Variants in FAM168A observed in about 807,000 individuals in gnomAD.
FAM168A encodes the protein family with sequence similarity 168 member A, also known as protein FAM168A.
In FAM168A, 3 loss-of-function variants were observed where a neutral mutation model predicts 28.5. The ratio of observed to expected loss-of-function variants is 0.11; its 90% CI spans 0.05 to 0.27. FAM168A has a LOEUF of 0.27. Among genes scored for constraint, FAM168A ranks in the 10% least tolerant of loss-of-function variants. The pLI is 1.00. For missense variants in FAM168A, 222 were observed against 311.5 expected (o/e 0.71, Z 2.16); for synonymous variants, 122 against 124.2 (o/e 0.98, Z 0.12).
chr11:73,440,662 TAGG>T (rs780452429), intron 2 of FAM168A, among the ~76,000 whole-genome samples: 15 of 151,658 alleles, frequency 9.9e-5, no homozygotes, highest in Non-Finnish European at 1.8e-4. Context: ...GAAAAAGAAA[TAGG>T]AGAATATCAG....
At chr11:73,566,489 A>C (rs79540456) in intron 1 of FAM168A, among the ~76,000 whole-genome samples, 1 of 152,170 alleles carries the variant, frequency 6.6e-6, no homozygotes, top group Non-Finnish European at 1.5e-5. Flanking sequence ...CAAAATCCAC[A>C]TGGAAAGACA....
chr11:73,455,917 G>C (rs903358212), intron 2 of FAM168A, among the ~76,000 whole-genome samples: 2 of 152,110 alleles, frequency 1.3e-5, no homozygotes, highest in African/African-American at 4.8e-5. Flanking sequence ...TCTGAATAAG[G>C]AAACAGCTAA....
intron 2 of FAM168A, among the ~76,000 whole-genome samples, chr11:73,467,390 A>G (rs1867751378): frequency 6.6e-6 from 1 of 151,784 alleles, no homozygotes; most frequent in Admixed American, 6.6e-5. Flanking sequence ...TCACTCAGCT[A>G]TTCTCTGACA....
intron 1 of FAM168A, among the ~76,000 whole-genome samples, chr11:73,569,610 T>C (rs1590737427): frequency 1.3e-5 from 2 of 152,146 alleles, no homozygotes; most frequent in East Asian, 3.9e-4. Flanking sequence ...GATCACGAGG[T>C]CAGGAGTTCG....
intron 1 of FAM168A, among the ~76,000 whole-genome samples, chr11:73,535,344 G>A (rs1943563549): frequency 6.6e-6 from 1 of 151,442 alleles, no homozygotes; most frequent in Admixed American, 6.6e-5. Context: ...GGGCTCAAGG[G>A]ATCCTCCCAC....
At chr11:73,548,613 C>T (rs1161443796) in intron 1 of FAM168A, among the ~76,000 whole-genome samples, 1 of 152,100 alleles carries the variant, frequency 6.6e-6, no homozygotes, top group Non-Finnish European at 1.5e-5. Flanking sequence ...TAGAGAGAAC[C>T]CTAGATATAT....
intron 1 of FAM168A, among the ~76,000 whole-genome samples, chr11:73,575,736 G>T (rs1944164581): frequency 6.6e-6 from 1 of 152,112 alleles, no homozygotes; most frequent in Admixed American, 6.5e-5. Flanking sequence ...GGGTGTAGTG[G>T]CAGGAACCTA....
chr11:73,473,278 A>G (rs960155261), intron 1 of FAM168A, among the ~76,000 whole-genome samples: 1 of 152,188 alleles, frequency 6.6e-6, no homozygotes, highest in Admixed American at 6.5e-5. Context: ...TTTGATTTCA[A>G]TGTCCAAGTT....
chr11:73,497,987 TTGCTTACTACA>T, intron 1 of FAM168A, among the ~76,000 whole-genome samples: 1 of 152,226 alleles, frequency 6.6e-6, no homozygotes, highest in East Asian at 1.9e-4. Flanking sequence ...CAAATGTTTA[TTGCTTACTACA>T]TGCCAGGCAC....
At chr11:73,498,051 C>A (rs1449891963) in intron 1 of FAM168A, among the ~76,000 whole-genome samples, 1 of 152,048 alleles carries the variant, frequency 6.6e-6, no homozygotes, top group Non-Finnish European at 1.5e-5. Context: ...AAACAAACAC[C>A]CCTGCCCTCA....
chr11:73,444,821 G>A (rs1346578840), intron 2 of FAM168A, among the ~76,000 whole-genome samples: 1 of 152,118 alleles, frequency 6.6e-6, no homozygotes, highest in African/African-American at 2.4e-5. Flanking sequence ...AACAATGTAT[G>A]TATGTTCATT....
chr11:73,505,748 G>A (rs914095859), intron 1 of FAM168A, among the ~76,000 whole-genome samples: 1 of 152,236 alleles, frequency 6.6e-6, no homozygotes, highest in Admixed American at 6.5e-5. Context: ...AGTACTTGGT[G>A]TACTTCACCA....
rs1436182362 is a variant in FAM168A, at chr11:73,484,614, ATATC to A, written c.-18-16126_-18-16123del. Reference sequence around the variant, plus strand: ...TATATATCGATATCTATATCGATATATATCTATATATAGATATCTATATCGATAT... The same window carrying A: ...TATATATCGATATCTATATCGATATATATATATAGATATCTATATCGATAT... On this transcript the variant is annotated intron_variant, in intron 1 of 7. Coordinates refer to ENST00000356467, the MANE Select transcript of FAM168A (RefSeq NM_015159.3). Among the ~76,000 whole-genome samples the A allele has an allele frequency of 3.3e-3, 388 of 118,940 alleles. 3 individuals are homozygous for A. The highest frequency in any genetic ancestry group is 0.01 in the African/African-American group (372 of 35,500). The allele number at this position is 118,940 out of a possible 152,430, so 78.0% of individuals were successfully genotyped here.
At chr11:73,415,904 A>C (rs1866686913) in intron 4 of FAM168A, among the ~76,000 whole-genome samples, 1 of 152,166 alleles carries the variant, frequency 6.6e-6, no homozygotes, top group African/African-American at 2.4e-5. Flanking sequence ...TTTATATTCA[A>C]CCTCCTCCTT....
At chr11:73,569,226 T>C (rs1207786135) in intron 1 of FAM168A, among the ~76,000 whole-genome samples, 1 of 152,202 alleles carries the variant, frequency 6.6e-6, no homozygotes, top group Non-Finnish European at 1.5e-5. Context: ...CTAGCAATTT[T>C]AGTATCGCCA....
intron 1 of FAM168A, among the ~76,000 whole-genome samples, chr11:73,492,829 G>A (rs57225667): frequency 0.075 from 11,372 of 152,202 alleles, 555 homozygotes; most frequent in Admixed American, 0.11. Flanking sequence ...GGAACACAAT[G>A]CAGCCATAAA....
chr11:73,549,944 G>A (rs1248786253), intron 1 of FAM168A, among the ~76,000 whole-genome samples: 1 of 152,190 alleles, frequency 6.6e-6, no homozygotes, highest in Non-Finnish European at 1.5e-5. Context: ...TTAAATTACA[G>A]GTGTTTCTAG....
chr11:73,544,855 T>A (rs1229010658), intron 1 of FAM168A, among the ~76,000 whole-genome samples: 2 of 95,172 alleles, frequency 2.1e-5, no homozygotes, highest in South Asian at 2.5e-4. Context: ...AAATATATAA[T>A]ATATAATATA....
At chr11:73,482,368 A>G (rs1475185919) in intron 1 of FAM168A, among the ~76,000 whole-genome samples, 1 of 151,918 alleles carries the variant, frequency 6.6e-6, no homozygotes, top group African/African-American at 2.4e-5. Flanking sequence ...CTGGATGGAC[A>G]GATGAACAAC....
Sources: allele counts gnomAD v4.1 joint callset (sites outside exome capture counted in the v4.1 genomes callset), GRCh38; gene constraint gnomAD v4.1.1; transcripts MANE v1.5; gene names NCBI Gene and HGNC (gene_info 2026-07-23, HGNC 2026-07-21).